SLC34A2: variants seen among roughly 807,000 people sequenced by gnomAD.
The protein encoded by SLC34A2 is solute carrier family 34 member 2.
SLC34A2 carries 41 observed loss-of-function variants against 50.8 expected under a neutral mutation model. The observed-to-expected ratio is 0.81, with a 90% CI of 0.63 to 1.05. The LOEUF is 1.05. Ranked by LOEUF, SLC34A2 falls within the 50% of genes least tolerant of loss-of-function variation. SLC34A2 has a pLI of 0.00. For missense variants in SLC34A2, 879 were observed against 876.7 expected (o/e 1.00, Z -0.03); for synonymous variants, 401 against 364.2 (o/e 1.10, Z -1.15).
rs1560240225 is a variant in SLC34A2, at chr4:25,671,787, G to A, written c.1048+66G>A. On this transcript the variant is annotated intron_variant, in intron 9 of 12. Transcript: ENST00000382051. ...GTCTGGGGGTGACCTATTTATCCGT[G>A]TGAAGTCCCAGTAAGTGAAGGAAAG... 3.7e-6 allele frequency: 6 copies of A among 1,610,940 alleles called. No individual in the cohort carries two copies. In the East Asian group the frequency reaches 8.9e-5, roughly 24 times the overall value.
chr4:25,667,692 G>A (rs1363217223), intron 5 of SLC34A2, among the ~76,000 whole-genome samples, 188 bp from the exon 6 acceptor site: 1 of 152,186 alleles, frequency 6.6e-6, no homozygotes, highest in East Asian at 1.9e-4. Flanking sequence ...AGGGAGGAAG[G>A]AGGAAGCTAG....
intron 1 of SLC34A2, among the ~76,000 whole-genome samples, chr4:25,658,688 G>A (rs1210148630): frequency 2.0e-5 from 3 of 152,188 alleles, no homozygotes; most frequent in Non-Finnish European, 4.4e-5. Context: ...CAGCGGGGGA[G>A]CCCCTCCCTG....
In SLC34A2 at chr4:25,678,498, C is replaced by G. The variant is rs1189878603; in HGVS notation, c.*1749C>G. On this transcript the variant is annotated 3_prime_UTR_variant, in exon 13 of 13. Transcript: ENST00000382051. ...GTTAAACCCGGGCAGGGGCTGTGGC[C>G]GTCTTTGTACTCTGGTGATTTTTAA... 5.9e-6 allele frequency: 1 copy of G among 169,644 alleles called. No individual in the cohort carries two copies. Among genetic ancestry groups the G allele is most frequent in the Non-Finnish European group, 1.3e-5 (1 of 77,724 alleles). 10.5% of individuals were successfully genotyped at this position (169,644 alleles called of 1,614,324 possible).
Position 25,676,259 on chromosome 4 carries a change from T to TCGC in SLC34A2, c.1586_1588dup (p.Ala529dup), listed in dbSNP as rs1560243244. 3 of 1,614,172 alleles carry TCGC rather than the reference T, an allele frequency of 1.9e-6. No individual in the cohort carries two copies. Among genetic ancestry groups the TCGC allele is most frequent in the Non-Finnish European group, 2.5e-6 (3 of 1,180,038 alleles). On this transcript the variant is annotated inframe_insertion, in exon 13 of 13. Transcript: ENST00000382051. Reference sequence around the variant, plus strand: ...AACATCTCTGCCAAGTATCGCTGGTTCGCCGTCTTCTACCTGATCATCTTC... The same window carrying TCGC: ...AACATCTCTGCCAAGTATCGCTGGTTCGCCGCCGTCTTCTACCTGATCATCTTC...
In SLC34A2 at chr4:25,676,777, G is replaced by GGGAT. The variant is rs772954569; in HGVS notation, c.*31_*34dup. The GGGAT allele has an allele frequency of 2.5e-6, 4 of 1,613,812 alleles. No homozygotes were observed. The South Asian group carries it at 4.4e-5, about 18-fold the overall frequency. On this transcript the variant is annotated 3_prime_UTR_variant, in exon 13 of 13. Transcript: ENST00000382051. The stretch of plus-strand genomic sequence containing the variant: ...GACGCCCCAGATTGTCAGGGATGGG[G>GGGAT]GGATGGTCCTTGAGTTTTGCATGCT...
At chr4:25,671,783 C>A (rs1399897838) in intron 9 of SLC34A2, 62 bp downstream of exon 9, 13 of 1,611,364 alleles carry the variant, frequency 8.1e-6, no homozygotes, top group Non-Finnish European at 1.1e-5. Context: ...ACCTATTTAT[C>A]CGTGTGAAGT....
intron 4 of SLC34A2, 135 bp from the exon 5 acceptor site, chr4:25,665,993 C>A: frequency 9.7e-7 from 1 of 1,035,672 alleles, no homozygotes; most frequent in Non-Finnish European, 1.5e-6. Context: ...TCCTTGGGTG[C>A]CTGCAGCGAT....
chr4:25,665,458 G>A (rs1031094344), intron 4 of SLC34A2, among the ~76,000 whole-genome samples: 3 of 152,016 alleles, frequency 2.0e-5, no homozygotes, highest in Non-Finnish European at 2.9e-5. Flanking sequence ...GTGAGCCACC[G>A]TGCCTGGCCT....
In SLC34A2 at chr4:25,678,069, C is replaced by T. The variant is rs1715243494; in HGVS notation, c.*1320C>T. 1 of 152,660 alleles carries T rather than the reference C, an allele frequency of 6.6e-6. No individual in the cohort carries two copies. The highest frequency in any genetic ancestry group is 6.5e-5 in the Admixed American group (1 of 15,274). 9.5% of individuals were successfully genotyped at this position (152,660 alleles called of 1,614,324 possible). A position where few individuals can be genotyped will look rare whatever the true frequency, so the allele number is the denominator to read the frequency against. ...CCTCCTGCCTGATTACACCACTGCC[C>T]CCGCCCCACCCTCAGCCATCCCAAT... On this transcript the variant is annotated 3_prime_UTR_variant, in exon 13 of 13. Transcript: ENST00000382051.
intron 12 of SLC34A2, 137 bp downstream of exon 12, chr4:25,674,766 G>T: frequency 1.7e-6 from 2 of 1,159,698 alleles, no homozygotes; most frequent in Non-Finnish European, 2.4e-6. Context: ...GGAAGCCACG[G>T]GTAAAGTTTT....
chr4:25,673,515 CCTT>C (rs1349492455), intron 10 of SLC34A2, among the ~76,000 whole-genome samples: 1 of 152,124 alleles, frequency 6.6e-6, no homozygotes, highest in African/African-American at 2.4e-5. Context: ...GTCAGGCCTT[CCTT>C]CTTAGCGGGT....
intron 7 of SLC34A2, among the ~76,000 whole-genome samples, chr4:25,670,416 C>A (rs557441644): frequency 6.6e-6 from 1 of 152,284 alleles, no homozygotes; most frequent in South Asian, 2.1e-4. Flanking sequence ...CCACTGCTGT[C>A]CTCAACACCA....
At chr4:25,663,485 T>C (rs374490723) in intron 3 of SLC34A2, among the ~76,000 whole-genome samples, 1 of 152,102 alleles carries the variant, frequency 6.6e-6, no homozygotes, top group African/African-American at 2.4e-5. Context: ...CTCACCAAAA[T>C]GTGGGCATAT....
At position 25,678,349 on chromosome 4, in the gene SLC34A2, T is replaced by C. The variant is rs1715263888; in HGVS notation, c.*1600T>C. On this transcript the variant is annotated 3_prime_UTR_variant, in exon 13 of 13. Transcript: ENST00000382051. ...AAATGGTCTGCATGATTTGTGCTTCTAGTGCTCTCATTTGGAAATGAGGCA... is the reference window on the plus strand; with the variant it reads ...AAATGGTCTGCATGATTTGTGCTTCCAGTGCTCTCATTTGGAAATGAGGCA... The C allele has an allele frequency of 6.4e-6, 1 of 156,158 alleles. No homozygotes were observed. Among genetic ancestry groups the C allele is most frequent in the South Asian group, 2.0e-4 (1 of 5,124 alleles). 9.7% of individuals were successfully genotyped at this position (156,158 alleles called of 1,614,324 possible).
chr4:25,669,396 T>C (rs1256159174), intron 6 of SLC34A2, among the ~76,000 whole-genome samples: 1 of 152,172 alleles, frequency 6.6e-6, no homozygotes, highest in Admixed American at 6.5e-5. Context: ...TTCGAAACAG[T>C]GATTGCTGAG....
chr4:25,669,753 A>T lies in SLC34A2; in HGVS notation c.742A>T (p.Ile248Leu). The T allele has an allele frequency of 6.2e-7, 1 of 1,614,132 alleles. No individual in the cohort carries two copies. The highest frequency in any genetic ancestry group is 8.5e-7 in the Non-Finnish European group (1 of 1,179,976). ...THYLEIITQLIVESFHFKNGE... is the reference protein window; with the variant it reads ...THYLEIITQLLVESFHFKNGE... ...TTACCTCGAGATCATAACCCAGCTT[A>T]TAGTGGAGAGCTTCCACTTCAAGAA... Residue 248 changes from isoleucine (I) to leucine (L), a missense_variant, in exon 7 of 13, where the codon ATA (isoleucine) becomes TTA (leucine). By Grantham distance (5) the Ile-to-Leu change is conservative (BLOSUM62 2). Transcript: ENST00000382051.
intron 8 of SLC34A2, among the ~76,000 whole-genome samples, chr4:25,671,297 T>C (rs2109057798): frequency 6.6e-6 from 1 of 152,276 alleles, no homozygotes; most frequent in South Asian, 2.1e-4. Flanking sequence ...TGCACCTGGG[T>C]TGTGGCTTGC....
Position 25,664,199 on chromosome 4 carries a change from C to CAG in SLC34A2, c.256_257dup, listed in dbSNP as rs1242904279. On this transcript the variant is annotated splice_region_variant and splice_polypyrimidine_tract_variant and intron_variant, in intron 3 of 12. Coordinates refer to ENST00000382051, the MANE Select transcript of SLC34A2 (RefSeq NM_006424.3). Reference sequence around the variant, plus strand: ...TCTCTCCCCCCATCCCACCCCCCTGCAGAGAGAGACACCAAAGGGAAGATT... The same window carrying CAG: ...TCTCTCCCCCCATCCCACCCCCCTGCAGAGAGAGAGACACCAAAGGGAAGATT... 1 of 1,609,444 alleles carries CAG rather than the reference C, an allele frequency of 6.2e-7. No individual in the cohort carries two copies. The highest frequency in any genetic ancestry group is 8.5e-7 in the Non-Finnish European group (1 of 1,176,538).
At chr4:25,657,511 T>TCC (rs565123487) in intron 1 of SLC34A2, among the ~76,000 whole-genome samples, 24 of 151,526 alleles carry the variant, frequency 1.6e-4, no homozygotes, top group African/African-American at 5.6e-4. Context: ...TGCTTTAACC[T>TCC]CCCCCCCCAA....
Sources: allele counts gnomAD v4.1 joint callset (sites outside exome capture counted in the v4.1 genomes callset), GRCh38; gene constraint gnomAD v4.1.1; transcripts MANE v1.5; gene names NCBI Gene and HGNC (gene_info 2026-07-23, HGNC 2026-07-21).